TBC1D22A: variants seen among roughly 807,000 people sequenced by gnomAD.
TBC1D22A encodes the protein TBC1 domain family member 22A.
A neutral mutation model predicts 60.2 loss-of-function variants in TBC1D22A; 38 were observed. The observed-to-expected ratio is 0.63, with a 90% CI of 0.49 to 0.83. The LOEUF (loss-of-function observed/expected upper bound fraction) is 0.83, where lower values mean the gene tolerates loss of function less well. Among genes scored for constraint, TBC1D22A ranks in the 40% least tolerant of loss-of-function variants. The pLI is 0.00. For synonymous variants in TBC1D22A, 302 were observed against 281.7 expected (o/e 1.07, Z -0.72); for missense variants, 628 against 701.0 (o/e 0.90, Z 1.18).
chr22:47,163,727 T>A (rs1161795360), intron 12 of TBC1D22A, among the ~76,000 whole-genome samples: 1 of 152,180 alleles, frequency 6.6e-6, no homozygotes, highest in Non-Finnish European at 1.5e-5. Context: ...GTGCTGCCAG[T>A]GCTACCAGTG....
At chr22:46,865,741 C>G (rs921876342) in intron 4 of TBC1D22A, among the ~76,000 whole-genome samples, 3 of 152,258 alleles carry the variant, frequency 2.0e-5, no homozygotes, top group Non-Finnish European at 4.4e-5. Flanking sequence ...CAATGCCCCC[C>G]CATGGGGGAG....
intron 12 of TBC1D22A, among the ~76,000 whole-genome samples, chr22:47,132,446 C>T (rs567841362): frequency 1.8e-4 from 27 of 152,370 alleles, no homozygotes; most frequent in African/African-American, 5.5e-4. Context: ...CCAGCTCTGC[C>T]GTGGGACCAT....
chr22:47,107,628 A>ATT (rs746648839), intron 11 of TBC1D22A, among the ~76,000 whole-genome samples: 11 of 152,262 alleles, frequency 7.2e-5, no homozygotes, highest in Non-Finnish European at 1.3e-4. Context: ...CAGAAGACTG[A>ATT]TTAAGAGCTA....
chr22:47,022,318 G>A (rs918729360), intron 10 of TBC1D22A, among the ~76,000 whole-genome samples: 10 of 152,176 alleles, frequency 6.6e-5, no homozygotes, highest in African/African-American at 2.4e-4. Context: ...AAGGCAGCCG[G>A]GCCATCCCTG....
intron 11 of TBC1D22A, among the ~76,000 whole-genome samples, chr22:47,093,184 G>A (rs1023200185): frequency 1.3e-5 from 2 of 152,178 alleles, no homozygotes; most frequent in African/African-American, 4.8e-5. Context: ...TGTGCAGGCG[G>A]TGCGGTACTT....
At chr22:46,927,940 G>A (rs1030272590) in intron 8 of TBC1D22A, among the ~76,000 whole-genome samples, 1 of 152,124 alleles carries the variant, frequency 6.6e-6, no homozygotes, top group Non-Finnish European at 1.5e-5. Context: ...TAAATAAATG[G>A]AAAGGCATCC....
chr22:47,157,903 G>C (rs946948071), intron 12 of TBC1D22A, among the ~76,000 whole-genome samples: 1 of 152,122 alleles, frequency 6.6e-6, no homozygotes, highest in Non-Finnish European at 1.5e-5. Flanking sequence ...GCCATGCTGG[G>C]TGTGAGGCAG....
chr22:46,831,498 A>G (rs1015257348), intron 4 of TBC1D22A, among the ~76,000 whole-genome samples: 1 of 152,124 alleles, frequency 6.6e-6, no homozygotes, highest in African/African-American at 2.4e-5. Context: ...TTGGTTCAAG[A>G]TCATATCTAG....
intron 11 of TBC1D22A, among the ~76,000 whole-genome samples, chr22:47,076,359 G>GTA (rs1375339824): frequency 2.0e-4 from 17 of 85,166 alleles, no homozygotes; most frequent in African/African-American, 6.5e-4. Flanking sequence ...ATATATGTGT[G>GTA]TGTATATATA....
intron 10 of TBC1D22A, among the ~76,000 whole-genome samples, chr22:47,000,915 G>T (rs1233475999): frequency 6.6e-6 from 1 of 152,146 alleles, no homozygotes; most frequent in East Asian, 1.9e-4. Context: ...TCCTGGGCCA[G>T]AGTGAAGCTA....
chr22:47,096,106 C>A (rs1369279112), intron 11 of TBC1D22A, among the ~76,000 whole-genome samples: 5 of 152,166 alleles, frequency 3.3e-5, no homozygotes, highest in African/African-American at 1.2e-4. Flanking sequence ...ACTTATTACC[C>A]AGCTTTAGCA....
intron 11 of TBC1D22A, among the ~76,000 whole-genome samples, chr22:47,109,498 T>G (rs1396072271): frequency 2.0e-5 from 3 of 152,192 alleles, no homozygotes; most frequent in African/African-American, 7.2e-5. Flanking sequence ...CTGTGGGTCG[T>G]TCAGTCCTTG....
intron 12 of TBC1D22A, among the ~76,000 whole-genome samples, chr22:47,161,906 T>C (rs565058638): frequency 1.3e-5 from 2 of 152,348 alleles, no homozygotes; most frequent in South Asian, 2.1e-4. Flanking sequence ...GCCGGCGCTC[T>C]TGCATTTTTC....
chr22:47,153,438 C>A, intron 12 of TBC1D22A, among the ~76,000 whole-genome samples: 1 of 151,874 alleles, frequency 6.6e-6, no homozygotes, highest in East Asian at 1.9e-4. Context: ...GTGCTCCAAG[C>A]AGAGGAAACA....
chr22:47,110,695 A>G (rs1411075617), intron 11 of TBC1D22A, among the ~76,000 whole-genome samples: 1 of 152,164 alleles, frequency 6.6e-6, no homozygotes, highest in Non-Finnish European at 1.5e-5. Context: ...AACCACTGAC[A>G]GTAGTCCTAT....
intron 10 of TBC1D22A, among the ~76,000 whole-genome samples, chr22:47,016,259 G>T (rs979320718): frequency 1.3e-5 from 2 of 152,096 alleles, no homozygotes; most frequent in African/African-American, 4.8e-5. Flanking sequence ...TGTCACACTT[G>T]GTGACCTGTC....
intron 11 of TBC1D22A, among the ~76,000 whole-genome samples, chr22:47,082,580 C>G (rs1569427946): frequency 6.6e-6 from 1 of 152,240 alleles, no homozygotes; most frequent in South Asian, 2.1e-4. Flanking sequence ...TTCAGATAGA[C>G]ACTGCACAGC....
chr22:47,157,318 C>T (rs888601817), intron 12 of TBC1D22A, among the ~76,000 whole-genome samples: 2 of 152,246 alleles, frequency 1.3e-5, no homozygotes, highest in South Asian at 2.1e-4. Flanking sequence ...ACCTCTCAGC[C>T]GCTTTCCCGA....
chr22:47,025,699 T>C (rs888043464), intron 10 of TBC1D22A, among the ~76,000 whole-genome samples: 1 of 151,968 alleles, frequency 6.6e-6, no homozygotes, highest in African/African-American at 2.4e-5. Context: ...AGAGGCTGTA[T>C]TTACAGGGAA....
Sources: gnomAD v4.1 joint callset for allele counts (sites outside exome capture counted in the v4.1 genomes callset) on GRCh38, gnomAD v4.1.1 for gene constraint, MANE v1.5 for transcripts, NCBI Gene and HGNC (gene_info 2026-07-23, HGNC 2026-07-21) for gene names.